Variants in ADAMTSL1 observed in about 807,000 individuals in gnomAD.
ADAMTSL1 encodes the protein ADAMTS-like protein 1.
A neutral mutation model predicts 201.8 loss-of-function variants in ADAMTSL1; 126 were observed. The ratio of observed to expected loss-of-function variants is 0.62; its 90% CI spans 0.54 to 0.72. ADAMTSL1 has a LOEUF of 0.72. ADAMTSL1 is among the 30% of genes least tolerant of loss of function. The pLI is 0.00. For synonymous variants in ADAMTSL1, 1,121 were observed against 903.4 expected (o/e 1.24, Z -4.32); for missense variants, 2,679 against 2,277.8 (o/e 1.18, Z -3.59).
chr9:18,007,103 G>A (rs918388043), intron 1 of ADAMTSL1, among the ~76,000 whole-genome samples: 1 of 151,968 alleles, frequency 6.6e-6, no homozygotes, highest in Admixed American at 6.6e-5. Context: ...GATTAATTTT[G>A]CCAAGCATTT....
intron 16 of ADAMTSL1, among the ~76,000 whole-genome samples, chr9:18,756,222 T>C (rs1281298614): frequency 8.0e-6 from 1 of 124,632 alleles, no homozygotes; most frequent in Non-Finnish European, 1.6e-5. Context: ...GAGGTTGCAG[T>C]GAGCCGAGAT....
intron 1 of ADAMTSL1, among the ~76,000 whole-genome samples, chr9:18,050,485 C>T (rs1218036832): frequency 6.6e-6 from 1 of 151,968 alleles, no homozygotes; most frequent in Non-Finnish European, 1.5e-5. Context: ...ATTCAGATGC[C>T]AAATCTCTAA....
chr9:17,946,229 G>C (rs1186227175), intron 1 of ADAMTSL1, among the ~76,000 whole-genome samples: 3 of 151,524 alleles, frequency 2.0e-5, no homozygotes, highest in East Asian at 1.9e-4. Flanking sequence ...AAACTCCCGG[G>C]CTCAAGTGTT....
chr9:18,744,085 C>T (rs1000455389), intron 15 of ADAMTSL1, among the ~76,000 whole-genome samples: 1 of 152,192 alleles, frequency 6.6e-6, no homozygotes, highest in Admixed American at 6.5e-5. Flanking sequence ...TGCTTGCTTA[C>T]TTCAGAGTTA....
chr9:17,939,900 G>A (rs530515968), intron 1 of ADAMTSL1, among the ~76,000 whole-genome samples: 1 of 152,260 alleles, frequency 6.6e-6, no homozygotes, highest in South Asian at 2.1e-4. Context: ...AGTCAGTTAA[G>A]GAAAGGGAGG....
intron 2 of ADAMTSL1, among the ~76,000 whole-genome samples, chr9:18,367,813 G>A (rs1039727856): frequency 2.6e-5 from 4 of 152,136 alleles, no homozygotes; most frequent in African/African-American, 4.8e-5. Flanking sequence ...TCCAGGCAAC[G>A]GATGGGTGGA....
At chr9:18,454,139 G>C (rs1022806811) in intron 2 of ADAMTSL1, among the ~76,000 whole-genome samples, 1 of 152,158 alleles carries the variant, frequency 6.6e-6, no homozygotes, top group Non-Finnish European at 1.5e-5. Context: ...CTCAGTCTAA[G>C]TCTGAAAGCC....
intron 8 of ADAMTSL1, among the ~76,000 whole-genome samples, chr9:18,658,305 T>C (rs1359037635): frequency 3.3e-5 from 5 of 152,192 alleles, no homozygotes; most frequent in African/African-American, 1.2e-4. Context: ...CTCCTTGATT[T>C]TGTAGAAGGC....
In ADAMTSL1 at chr9:18,775,865, C is replaced by T; in HGVS notation, c.2520C>T (p.Ser840=). Reference sequence around the variant, plus strand: ...GCCCGCCCCTGCCTTTCTCTTCCTCCATCAGGCCCTGTATGCTGGCAACCT... The same window carrying T: ...GCCCGCCCCTGCCTTTCTCTTCCTCTATCAGGCCCTGTATGCTGGCAACCT... ...TLCPPLPFSS[S]IRPCMLATCA... is the part of the protein sequence containing the mutation. The change falls in exon 18 of 29, where the codon TCC becomes TCT. Residue 840 remains serine, a synonymous_variant. Coordinates refer to ENST00000380548, the MANE Select transcript of ADAMTSL1 (RefSeq NM_001040272.6). 1.2e-6 allele frequency: 2 copies of T among 1,601,884 alleles called. No individual in the cohort carries two copies. Among genetic ancestry groups the T allele is most frequent in the Non-Finnish European group, 1.7e-6 (2 of 1,173,792 alleles).
chr9:18,869,599 T>C (rs1431907751), intron 23 of ADAMTSL1, among the ~76,000 whole-genome samples: 1 of 152,238 alleles, frequency 6.6e-6, no homozygotes, highest in Non-Finnish European at 1.5e-5. Context: ...AAATTCCGGG[T>C]TCACCAGTTT....
intron 1 of ADAMTSL1, among the ~76,000 whole-genome samples, chr9:18,097,132 C>G (rs962529532): frequency 6.6e-6 from 1 of 152,168 alleles, no homozygotes; most frequent in East Asian, 1.9e-4. Context: ...CCATTGCAAG[C>G]CAACATCACT....
intron 11 of ADAMTSL1, 117 bp from the exon 12 acceptor site, chr9:18,681,695 T>TGTGTGTGG: frequency 3.5e-6 from 1 of 287,152 alleles, no homozygotes; most frequent in Non-Finnish European, 5.4e-6. Flanking sequence ...GGAGTCCTCG[T>TGTGTGTGG]GTGGGGGGGG....
chr9:18,220,593 G>C (rs1472769707), intron 2 of ADAMTSL1, among the ~76,000 whole-genome samples: 1 of 151,920 alleles, frequency 6.6e-6, no homozygotes, highest in East Asian at 1.9e-4. Flanking sequence ...TGGTAAACTT[G>C]TTGTGTAGTA....
intron 2 of ADAMTSL1, among the ~76,000 whole-genome samples, chr9:18,398,764 T>A (rs1310238362): frequency 1.3e-5 from 2 of 152,152 alleles, no homozygotes; most frequent in African/African-American, 4.8e-5. Context: ...GTTTTATAGG[T>A]GAGTGATCTA....
At chr9:18,050,510 T>A (rs1335744899) in intron 1 of ADAMTSL1, among the ~76,000 whole-genome samples, 1 of 152,230 alleles carries the variant, frequency 6.6e-6, no homozygotes, top group Non-Finnish European at 1.5e-5. Context: ...GTCCAGCTGC[T>A]TCCATATTGA....
intron 2 of ADAMTSL1, among the ~76,000 whole-genome samples, chr9:18,219,781 A>G (rs998007346): frequency 6.6e-6 from 1 of 152,168 alleles, no homozygotes; most frequent in African/African-American, 2.4e-5. Flanking sequence ...TCATTATAAA[A>G]ATATCTTTTT....
chr9:17,971,763 T>C (rs1818214518), intron 1 of ADAMTSL1, among the ~76,000 whole-genome samples: 1 of 151,990 alleles, frequency 6.6e-6, no homozygotes, highest in South Asian at 2.1e-4. Flanking sequence ...GTCCAAAAGA[T>C]ACATTTTTAA....
At chr9:18,208,126 C>T (rs562386304) in intron 2 of ADAMTSL1, among the ~76,000 whole-genome samples, 26 of 152,210 alleles carry the variant, frequency 1.7e-4, no homozygotes, top group African/African-American at 5.3e-4. Flanking sequence ...TAGTTGAAAA[C>T]GCTTAGTCCA....
chr9:18,207,400 C>T (rs1587312281), intron 2 of ADAMTSL1, among the ~76,000 whole-genome samples: 1 of 152,190 alleles, frequency 6.6e-6, no homozygotes, highest in Admixed American at 6.5e-5. Flanking sequence ...GGTTCAGTAA[C>T]TTGCCTAAAA....
Sources: allele counts gnomAD v4.1 joint callset (sites outside exome capture counted in the v4.1 genomes callset), GRCh38; gene constraint gnomAD v4.1.1; transcripts MANE v1.5; gene names NCBI Gene and HGNC (gene_info 2026-07-23, HGNC 2026-07-21).